CAMTA1: variants seen among roughly 807,000 people sequenced by gnomAD.
CAMTA1 encodes the protein calmodulin binding transcription activator 1, also known as calmodulin-binding transcription activator 1.
A neutral mutation model predicts 170.9 loss-of-function variants in CAMTA1; 27 were observed. The ratio of observed to expected loss-of-function variants is 0.16; its 90% CI spans 0.12 to 0.22. The LOEUF is 0.22. Among genes scored for constraint, CAMTA1 ranks in the 10% least tolerant of loss-of-function variants. The pLI, the probability that CAMTA1 is intolerant of heterozygous loss-of-function variation, is 1.00. For missense variants in CAMTA1, 1,619 were observed against 2,217.2 expected, an observed-to-expected ratio of 0.73 and a Z score of 5.42; for synonymous variants, 833 against 891.5, an observed-to-expected ratio of 0.93 and a Z score of 1.17.
intron 4 of CAMTA1, among the ~76,000 whole-genome samples, chr1:7,226,322 C>A (rs1421806282): frequency 6.6e-6 from 1 of 152,146 alleles, no homozygotes; most frequent in East Asian, 1.9e-4. Flanking sequence ...TTTCCACTTG[C>A]CTTCAGGCTG....
chr1:7,183,083 A>G (rs1466606511), intron 4 of CAMTA1, among the ~76,000 whole-genome samples: 3 of 152,212 alleles, frequency 2.0e-5, no homozygotes, highest in Non-Finnish European at 4.4e-5. Context: ...GTTTTGGCTC[A>G]CAGTTCTGCA....
At chr1:7,762,658 G>A (rs2096984680) in intron 22 of CAMTA1, among the ~76,000 whole-genome samples, 1 of 152,102 alleles carries the variant, frequency 6.6e-6, no homozygotes, top group Non-Finnish European at 1.5e-5. Flanking sequence ...AACTTTCAGA[G>A]GTAAGTTAAC....
At chr1:6,820,132 T>G (rs1266162048) in intron 1 of CAMTA1, 49 bp from the exon 2 acceptor site, 6 of 1,125,022 alleles carry the variant, frequency 5.3e-6, no homozygotes, top group Non-Finnish European at 8.2e-6. Context: ...AGAGCCAGAT[T>G]ATATCTTTTT....
At chr1:7,666,769 A>AC (rs1183878204) in intron 9 of CAMTA1, among the ~76,000 whole-genome samples, 1 of 151,924 alleles carries the variant, frequency 6.6e-6, no homozygotes, top group African/African-American at 2.4e-5. Flanking sequence ...GTGTACAGAC[A>AC]CCCCCAGCTC....
intron 6 of CAMTA1, among the ~76,000 whole-genome samples, chr1:7,493,268 C>T (rs922542432): frequency 2.5e-4 from 21 of 82,502 alleles, no homozygotes; most frequent in African/African-American, 1.4e-3. Context: ...CGTACACACG[C>T]ACACAAACAT....
At chr1:7,211,271 G>A (rs1658703095) in intron 4 of CAMTA1, among the ~76,000 whole-genome samples, 1 of 152,110 alleles carries the variant, frequency 6.6e-6, no homozygotes, top group Non-Finnish European at 1.5e-5. Flanking sequence ...ACAGTGCAAG[G>A]TACACATAGT....
Position 7,010,713 on chromosome 1 carries a change from C to T in CAMTA1, c.235-80591C>T, listed in dbSNP as rs1467887585. Among the ~76,000 whole-genome samples the T allele has an allele frequency of 6.6e-6, 1 of 152,174 alleles. No homozygotes were observed. On this transcript the variant is annotated intron_variant, in intron 3 of 22. Coordinates refer to ENST00000303635, the MANE Select transcript of CAMTA1 (RefSeq NM_015215.4). This position sits in a 1 kb window ranked among gnomAD's most constrained non-coding sequence, Gnocchi z 4.4. ...TTGTATGGTTGGCTCTCCACACCCACCCTCACTGCCACCCCCAGCCCCAGC... is the reference window on the plus strand; with the variant it reads ...TTGTATGGTTGGCTCTCCACACCCATCCTCACTGCCACCCCCAGCCCCAGC...
chr1:7,016,861 AAAAAAGAT>A (rs1475042863), intron 3 of CAMTA1, among the ~76,000 whole-genome samples: 1 of 151,982 alleles, frequency 6.6e-6, no homozygotes, highest in East Asian at 1.9e-4. Context: ...AGGAAAAGAA[AAAAAAGAT>A]TCATTGCCTC....
intron 11 of CAMTA1, among the ~76,000 whole-genome samples, chr1:7,721,401 A>G (rs183047021): frequency 9.2e-5 from 14 of 152,338 alleles, no homozygotes; most frequent in Non-Finnish European, 1.8e-4. Context: ...AGGATTAGAC[A>G]TAATCCATGT....
intron 5 of CAMTA1, among the ~76,000 whole-genome samples, chr1:7,342,280 C>T (rs950175784): frequency 3.3e-5 from 5 of 152,264 alleles, no homozygotes; most frequent in Admixed American, 2.0e-4. Context: ...ATGCAGAGCC[C>T]GGGGGTCCCC....
At chr1:7,514,961 GTCC>G (rs1306880199) in intron 6 of CAMTA1, among the ~76,000 whole-genome samples, 2 of 152,148 alleles carry the variant, frequency 1.3e-5, no homozygotes, top group Non-Finnish European at 2.9e-5. Context: ...GAGCCAGGTG[GTCC>G]TCCTGGGCTC....
At chr1:6,917,233 G>A (rs1423777377) in intron 3 of CAMTA1, among the ~76,000 whole-genome samples, 2 of 152,148 alleles carry the variant, frequency 1.3e-5, no homozygotes, top group African/African-American at 2.4e-5. Context: ...AGGGTTTGCA[G>A]TGTGGGGAAT....
At chr1:7,101,064 G>T (rs932657678) in intron 4 of CAMTA1, among the ~76,000 whole-genome samples, 6 of 152,152 alleles carry the variant, frequency 3.9e-5, no homozygotes, top group Non-Finnish European at 8.8e-5. Flanking sequence ...AAGCCCCCTG[G>T]CACTGTGCCC....
chr1:7,029,488 CAAAAAA>C (rs55736306), intron 3 of CAMTA1, among the ~76,000 whole-genome samples: 2 of 63,824 alleles, frequency 3.1e-5, no homozygotes, highest in African/African-American at 1.2e-4. Flanking sequence ...GACTCTGTCT[CAAAAAA>C]AAAAAAAAAA....
chr1:7,655,051 C>CA, intron 7 of CAMTA1, among the ~76,000 whole-genome samples: 1 of 146,642 alleles, frequency 6.8e-6, no homozygotes, highest in South Asian at 2.3e-4. Flanking sequence ...TATACACACA[C>CA]CTATACAAAC....
chr1:6,836,772 G>A (rs957410903), intron 3 of CAMTA1, among the ~76,000 whole-genome samples: 1 of 152,170 alleles, frequency 6.6e-6, no homozygotes, highest in African/African-American at 2.4e-5. Context: ...CAAGGAAGCA[G>A]AAAAGTCATT....
At chr1:7,125,960 G>A (rs1644909421) in intron 4 of CAMTA1, among the ~76,000 whole-genome samples, 2 of 152,138 alleles carry the variant, frequency 1.3e-5, no homozygotes, top group Admixed American at 6.5e-5. Context: ...AGAGGTTTGA[G>A]GTTTTAATGA....
intron 5 of CAMTA1, among the ~76,000 whole-genome samples, chr1:7,323,810 T>C (rs1678863360): frequency 6.6e-6 from 1 of 152,220 alleles, no homozygotes; most frequent in Non-Finnish European, 1.5e-5. Flanking sequence ...TTAGTAGATC[T>C]TGAATAAGTA....
At chr1:7,449,897 C>T (rs999665477) in intron 5 of CAMTA1, among the ~76,000 whole-genome samples, 1 of 152,120 alleles carries the variant, frequency 6.6e-6, no homozygotes, top group Non-Finnish European at 1.5e-5. Flanking sequence ...CTCCATGCAG[C>T]CCCCAGGGGA....
Sources: allele counts gnomAD v4.1 joint callset (sites outside exome capture counted in the v4.1 genomes callset), GRCh38; gene constraint gnomAD v4.1.1; non-coding constraint Gnocchi (gnomAD v3.1); transcripts MANE v1.5; gene names NCBI Gene and HGNC (gene_info 2026-07-23, HGNC 2026-07-21).